The following ROBO2 variants were observed in gnomAD, a reference collection of about 807,000 sequenced individuals.
ROBO2 encodes the protein roundabout homolog 2.
A neutral mutation model predicts 160.8 loss-of-function variants in ROBO2; 53 were observed. The observed-to-expected ratio is 0.33, with a 90% confidence interval of 0.26 to 0.41. The LOEUF is 0.41. Among genes scored for constraint, ROBO2 ranks in the 10% least tolerant of loss-of-function variants. The pLI, the probability that ROBO2 is intolerant of heterozygous loss-of-function variation, is 1.00. For missense variants in ROBO2, 1,577 were observed against 1,722.4 expected, an observed-to-expected ratio of 0.92 and a Z score of 1.49; for synonymous variants, 664 against 611.7, an observed-to-expected ratio of 1.09 and a Z score of -1.26.
intron 2 of ROBO2, among the ~76,000 whole-genome samples, chr3:76,794,689 C>G (rs2063576405): frequency 6.6e-6 from 1 of 151,808 alleles, no homozygotes; most frequent in East Asian, 1.9e-4. Flanking sequence ...TAAAATATGC[C>G]CAGACTAAAT....
chr3:76,750,099 A>C (rs888988197), intron 2 of ROBO2, among the ~76,000 whole-genome samples: 1 of 152,148 alleles, frequency 6.6e-6, no homozygotes, highest in African/African-American at 2.4e-5. Flanking sequence ...CTTATCCACC[A>C]TGATCAAGTG....
intron 2 of ROBO2, among the ~76,000 whole-genome samples, chr3:76,409,485 T>G (rs2075379057): frequency 6.6e-6 from 1 of 152,142 alleles, no homozygotes; most frequent in African/African-American, 2.4e-5. Context: ...TGATCCATTA[T>G]GTTCCATGGT....
At chr3:77,200,915 A>G (rs1438974456) in intron 2 of ROBO2, among the ~76,000 whole-genome samples, 1 of 152,116 alleles carries the variant, frequency 6.6e-6, no homozygotes, top group Non-Finnish European at 1.5e-5. Flanking sequence ...ATTCCAGGCA[A>G]TGCATAAGTA....
chr3:76,661,898 C>G (rs1197817638), intron 2 of ROBO2, among the ~76,000 whole-genome samples: 1 of 152,128 alleles, frequency 6.6e-6, no homozygotes, highest in Non-Finnish European at 1.5e-5. Context: ...AAAAACATAT[C>G]AAAAAATATA....
chr3:77,047,296 C>G (rs1316642863), intron 1 of ROBO2, among the ~76,000 whole-genome samples: 2 of 152,156 alleles, frequency 1.3e-5, no homozygotes, highest in African/African-American at 4.8e-5. Flanking sequence ...GTAATTTAAC[C>G]TTTTTATGCC....
At chr3:77,464,202 A>G (rs986638305) in intron 2 of ROBO2, among the ~76,000 whole-genome samples, 1 of 152,332 alleles carries the variant, frequency 6.6e-6, no homozygotes, top group Non-Finnish European at 1.5e-5. Flanking sequence ...AATCATCTGG[A>G]TAATAAAAGT....
chr3:75,971,082 A>C (rs2064978980), intron 2 of ROBO2, among the ~76,000 whole-genome samples: 1 of 151,300 alleles, frequency 6.6e-6, no homozygotes, highest in South Asian at 2.1e-4. Context: ...TTCTTCATCA[A>C]AGTTGTGTAT....
At chr3:76,582,444 A>C in intron 2 of ROBO2, among the ~76,000 whole-genome samples, 1 of 152,260 alleles carries the variant, frequency 6.6e-6, no homozygotes, top group East Asian at 1.9e-4. Context: ...CATGCAATGT[A>C]TTTTTTAATT....
intron 2 of ROBO2, among the ~76,000 whole-genome samples, chr3:76,955,771 C>A (rs1321453025): frequency 1.3e-5 from 2 of 151,584 alleles, no homozygotes; most frequent in East Asian, 3.9e-4. Context: ...ACACTAACTT[C>A]ACAAAAATTA....
chr3:76,715,800 A>G (rs2107654718), intron 2 of ROBO2, among the ~76,000 whole-genome samples: 1 of 152,302 alleles, frequency 6.6e-6, no homozygotes, highest in South Asian at 2.1e-4. Flanking sequence ...GAGGCTTTCA[A>G]TCCACAGCCA....
chr3:76,599,143 C>T (rs1283548456), intron 2 of ROBO2, among the ~76,000 whole-genome samples: 2 of 152,066 alleles, frequency 1.3e-5, no homozygotes, highest in Admixed American at 6.6e-5. Flanking sequence ...TGTCACAGGG[C>T]ATTGATGTAC....
intron 3 of ROBO2, among the ~76,000 whole-genome samples, chr3:77,477,830 CTTTTTTTT>C (rs11371687): frequency 5.9e-5 from 5 of 84,472 alleles, no homozygotes; most frequent in Non-Finnish European, 1.1e-4. Context: ...TATTTTAGCT[CTTTTTTTT>C]TTTTTTTTTT....
chr3:77,188,691 C>T (rs1207789684), intron 2 of ROBO2, among the ~76,000 whole-genome samples: 1 of 151,784 alleles, frequency 6.6e-6, no homozygotes, highest in East Asian at 1.9e-4. Context: ...TTACTGTTTT[C>T]TCATATACTG....
intron 2 of ROBO2, among the ~76,000 whole-genome samples, chr3:76,849,252 C>G (rs988265781): frequency 2.0e-5 from 3 of 152,168 alleles, no homozygotes; most frequent in African/African-American, 7.2e-5. Context: ...GGCATCATCT[C>G]TAATACACTT....
Position 77,317,142 on chromosome 3 carries a change from G to C in ROBO2, c.389-160272G>C, listed in dbSNP as rs2064083505. Reference sequence around the variant, plus strand: ...AGGAAGGACTTTGCAGTCTCAAAACGCATCTGGTACCCAGCCAGCCAGCCC... The same window carrying C: ...AGGAAGGACTTTGCAGTCTCAAAACCCATCTGGTACCCAGCCAGCCAGCCC... On this transcript the variant is annotated intron_variant, in intron 2 of 25. Coordinates refer to ENST00000461745, the Ensembl canonical transcript of ROBO2. The C allele has an allele frequency of 1.1e-5, 12 of 1,097,302 alleles. No homozygotes were observed. The East Asian group carries it at 2.6e-4, about 24-fold the overall frequency. The allele number at this position is 1,097,302 out of a possible 1,614,324, so 68.0% of individuals were successfully genotyped here. A position where few individuals can be genotyped will look rare whatever the true frequency, so the allele number is the denominator to read the frequency against.
At chr3:76,886,609 TAA>T (rs2073909457) in intron 2 of ROBO2, among the ~76,000 whole-genome samples, 1 of 151,952 alleles carries the variant, frequency 6.6e-6, no homozygotes, top group Non-Finnish European at 1.5e-5. Context: ...ATAATGTGAT[TAA>T]AACATAAAAA....
At chr3:76,839,932 A>C (rs2068064453) in intron 2 of ROBO2, among the ~76,000 whole-genome samples, 2 of 152,242 alleles carry the variant, frequency 1.3e-5, no homozygotes, top group South Asian at 2.1e-4. Flanking sequence ...CATTTCTTTT[A>C]GATTTTCTAA....
chr3:76,250,070 T>C (rs1422574278), intron 2 of ROBO2, among the ~76,000 whole-genome samples: 2 of 152,072 alleles, frequency 1.3e-5, no homozygotes, highest in African/African-American at 2.4e-5. Flanking sequence ...CAATGAATAA[T>C]GGAGGTCAGT....
intron 2 of ROBO2, among the ~76,000 whole-genome samples, chr3:76,906,709 G>T (rs1263532946): frequency 6.6e-6 from 1 of 152,052 alleles, no homozygotes; most frequent in Admixed American, 6.6e-5. Context: ...ACCTTAGGCA[G>T]TCTGAACTCC....
Sources: gnomAD v4.1 joint callset for allele counts (sites outside exome capture counted in the v4.1 genomes callset) on GRCh38, gnomAD v4.1.1 for gene constraint, MANE v1.5 for transcripts, NCBI Gene and HGNC (gene_info 2026-07-23, HGNC 2026-07-21) for gene names.